PAPPA: variants seen among roughly 807,000 people sequenced by gnomAD.
The protein encoded by PAPPA is pappalysin 1, also known as pappalysin-1.
A neutral mutation model predicts 164.0 loss-of-function variants in PAPPA; 60 were observed. The observed-to-expected ratio is 0.37, with a 90% CI of 0.30 to 0.45. PAPPA has a LOEUF of 0.45. Among genes scored for constraint, PAPPA ranks in the 20% least tolerant of loss-of-function variants. The pLI is 1.00. For synonymous variants in PAPPA, 875 were observed against 814.1 expected (o/e 1.07, Z -1.27); for missense variants, 1,782 against 2,087.3 (o/e 0.85, Z 2.85).
chr9:116,281,290 T>C (rs1845263453), intron 9 of PAPPA, among the ~76,000 whole-genome samples: 1 of 152,134 alleles, frequency 6.6e-6, no homozygotes, highest in South Asian at 2.1e-4. Flanking sequence ...TTGGGCAGAA[T>C]AAGCCAGATG....
intron 2 of PAPPA, among the ~76,000 whole-genome samples, chr9:116,206,910 T>C (rs1844242484): frequency 6.6e-6 from 1 of 152,118 alleles, no homozygotes; most frequent in Non-Finnish European, 1.5e-5. Context: ...GGTACAGAGA[T>C]GTTTTCTGTA....
chr9:116,188,314 A>AT, intron 2 of PAPPA, 98 bp downstream of exon 2: 1 of 865,192 alleles, frequency 1.2e-6, no homozygotes, highest in Non-Finnish European at 1.8e-6. Flanking sequence ...TGATATGGGG[A>AT]TTTTCTGGTT....
At chr9:116,349,362 A>C (rs1846252221) in intron 15 of PAPPA, among the ~76,000 whole-genome samples, 1 of 152,224 alleles carries the variant, frequency 6.6e-6, no homozygotes, top group Non-Finnish European at 1.5e-5. Flanking sequence ...TTCATACTTT[A>C]TGCATTCAAC....
intron 21 of PAPPA, among the ~76,000 whole-genome samples, chr9:116,388,115 G>A (rs189270962): frequency 2.1e-4 from 32 of 152,160 alleles, no homozygotes; most frequent in Non-Finnish European, 3.4e-4. Context: ...CCCCACATCC[G>A]CCTTATGGGG....
chr9:116,284,250 G>A (rs1401152689), intron 9 of PAPPA, among the ~76,000 whole-genome samples: 2 of 152,158 alleles, frequency 1.3e-5, no homozygotes, highest in Non-Finnish European at 2.9e-5. Context: ...AGAAATTTGA[G>A]AATCATTCTT....
At position 116,340,565 on chromosome 9, in the gene PAPPA, T is replaced by C. The variant is rs532803077; in HGVS notation, c.3612-3978T>C. On this transcript the variant is annotated intron_variant, in intron 13 of 21. Transcript: ENST00000328252. ...GATGTAGGTGAAACAGAGTGGCCAA[T>C]GCCTGACACATATTACCTCCCTTAT... is the stretch of plus-strand genomic sequence containing the variant. Among the ~76,000 whole-genome samples the C allele has an allele frequency of 2.6e-5, 4 of 152,326 alleles. No individual in the cohort carries two copies. In the East Asian group the frequency reaches 5.8e-4, roughly 22 times the overall value.
chr9:116,222,389 C>T (rs1472188131), intron 5 of PAPPA, among the ~76,000 whole-genome samples: 1 of 151,936 alleles, frequency 6.6e-6, no homozygotes, highest in African/African-American at 2.4e-5. Context: ...TTGAAAATAT[C>T]GTAAGTCAAA....
intron 9 of PAPPA, among the ~76,000 whole-genome samples, chr9:116,287,870 C>T (rs1234854012): frequency 2.0e-5 from 3 of 152,154 alleles, no homozygotes; most frequent in Non-Finnish European, 4.4e-5. Flanking sequence ...TGGCCTCTAG[C>T]TTGGAATCTA....
chr9:116,240,722 A>T (rs1587967775), intron 7 of PAPPA, among the ~76,000 whole-genome samples: 1 of 152,286 alleles, frequency 6.6e-6, no homozygotes, highest in East Asian at 1.9e-4. Context: ...CAGAGAAGGA[A>T]TGTGGATTAT....
At chr9:116,221,067 G>T (rs1587958596) in intron 5 of PAPPA, among the ~76,000 whole-genome samples, 1 of 152,030 alleles carries the variant, frequency 6.6e-6, no homozygotes. Flanking sequence ...TAACCACATG[G>T]CCTTGAGCAA....
At chr9:116,288,203 T>C (rs1184590156) in intron 9 of PAPPA, among the ~76,000 whole-genome samples, 2 of 152,100 alleles carry the variant, frequency 1.3e-5, no homozygotes, top group African/African-American at 4.8e-5. Flanking sequence ...ACCCTGCCTC[T>C]ACTAAAAATA....
At chr9:116,244,810 C>T (rs965323460) in intron 7 of PAPPA, among the ~76,000 whole-genome samples, 1 of 152,156 alleles carries the variant, frequency 6.6e-6, no homozygotes, top group African/African-American at 2.4e-5. Context: ...AATCCCACTC[C>T]TGGGTATCTA....
At chr9:116,345,289 GCA>G (rs1295793993) in intron 14 of PAPPA, among the ~76,000 whole-genome samples, 2 of 152,128 alleles carry the variant, frequency 1.3e-5, no homozygotes, top group African/African-American at 2.4e-5. Flanking sequence ...TGTTGTGGAG[GCA>G]CAGAGAGATT....
chr9:116,395,527 C>T (rs532260056), intron 21 of PAPPA, among the ~76,000 whole-genome samples: 3 of 152,118 alleles, frequency 2.0e-5, no homozygotes, highest in Non-Finnish European at 2.9e-5. Context: ...AATCTACTTG[C>T]GTTAGTTCAG....
At chr9:116,247,153 CAG>C (rs1394330117) in intron 7 of PAPPA, among the ~76,000 whole-genome samples, 2 of 152,082 alleles carry the variant, frequency 1.3e-5, no homozygotes, top group African/African-American at 2.4e-5. Flanking sequence ...GAAAAACAAA[CAG>C]AGCAATTGTT....
At chr9:116,344,900 C>G (rs190925913) in intron 14 of PAPPA, among the ~76,000 whole-genome samples, 189 bp downstream of exon 14, 22 of 152,296 alleles carry the variant, frequency 1.4e-4, no homozygotes, top group African/African-American at 5.1e-4. Context: ...AGTCTGGAAT[C>G]TCTAAGAAAA....
intron 1 of PAPPA, among the ~76,000 whole-genome samples, chr9:116,177,276 C>T (rs1843848498): frequency 6.6e-6 from 1 of 152,170 alleles, no homozygotes; most frequent in Non-Finnish European, 1.5e-5. Context: ...CTTAAAACAG[C>T]TGTATTCACT....
At chr9:116,377,538 C>T (rs1272940978) in intron 19 of PAPPA, 38 bp from the exon 20 acceptor site, 3 of 1,510,448 alleles carry the variant, frequency 2.0e-6, no homozygotes, top group Non-Finnish European at 2.8e-6. Flanking sequence ...CCCTCCCAAT[C>T]CCAAGCCCAT....
At chr9:116,312,457 C>T (rs1434277797) in intron 10 of PAPPA, among the ~76,000 whole-genome samples, 1 of 152,060 alleles carries the variant, frequency 6.6e-6, no homozygotes, top group Non-Finnish European at 1.5e-5. Context: ...AAGCAATAGC[C>T]AGTTGAGCTT....
Sources: gnomAD v4.1 joint callset for allele counts (sites outside exome capture counted in the v4.1 genomes callset) on GRCh38, gnomAD v4.1.1 for gene constraint, MANE v1.5 for transcripts, NCBI Gene and HGNC (gene_info 2026-07-23, HGNC 2026-07-21) for gene names.